DDX10: variants seen among roughly 807,000 people sequenced by gnomAD.
DDX10 encodes the protein probable ATP-dependent RNA helicase DDX10.
In DDX10, 74 loss-of-function variants were observed where a neutral mutation model predicts 104.3. That is an observed-to-expected ratio of 0.71 (90% CI 0.59 to 0.86). The LOEUF (loss-of-function observed/expected upper bound fraction) is 0.86. Ranked by LOEUF, DDX10 falls within the 40% of genes least tolerant of loss-of-function variation. DDX10 has a pLI of 0.00. For synonymous variants in DDX10, 351 were observed against 353.4 expected, an observed-to-expected ratio of 0.99 and a Z score of 0.08; for missense variants, 952 against 1,040.0, an observed-to-expected ratio of 0.92 and a Z score of 1.16.
At chr11:108,776,201 A>G (rs748822588) in intron 13 of DDX10, among the ~76,000 whole-genome samples, 3 of 152,156 alleles carry the variant, frequency 2.0e-5, no homozygotes, top group Admixed American at 6.5e-5. Flanking sequence ...TCAGACTCCA[A>G]ACTTTGTCTT....
chr11:108,725,318 A>G (rs1211676228), intron 13 of DDX10, among the ~76,000 whole-genome samples: 1 of 152,064 alleles, frequency 6.6e-6, no homozygotes, highest in African/African-American at 2.4e-5. Context: ...TGGGGAAACG[A>G]GTGGGGTTAT....
chr11:108,677,352 C>A, intron 4 of DDX10, 109 bp downstream of exon 4: 1 of 989,146 alleles, frequency 1.0e-6, no homozygotes, highest in Non-Finnish European at 1.5e-6. Context: ...CTGACCTAGA[C>A]CAGGGCCTCA....
intron 13 of DDX10, among the ~76,000 whole-genome samples, chr11:108,780,714 G>A (rs1164598201): frequency 2.6e-5 from 4 of 152,068 alleles, no homozygotes; most frequent in Admixed American, 6.6e-5. Flanking sequence ...AGATGCTTAG[G>A]TTATATTGTT....
intron 13 of DDX10, among the ~76,000 whole-genome samples, chr11:108,785,401 T>TATTGTTGTTGTTGTTGTA: frequency 6.9e-6 from 1 of 145,406 alleles, no homozygotes; most frequent in East Asian, 1.9e-4. Flanking sequence ...TTGTTGTTGT[T>TATTGTTGTTGTTGTTGTA]ATTGTTGTTG....
At chr11:108,732,799 C>G in intron 13 of DDX10, among the ~76,000 whole-genome samples, 1 of 152,212 alleles carries the variant, frequency 6.6e-6, no homozygotes, top group East Asian at 1.9e-4. Context: ...AAGTTGACCT[C>G]CAGGGAGACA....
In DDX10 at chr11:108,774,719, T is replaced by C. The variant is rs79367726; in HGVS notation, c.1965+51257T>C. Among the ~76,000 whole-genome samples, 1,066 of 152,314 alleles carry C rather than the reference T, an allele frequency of 7.0e-3. 4 individuals carry two copies. The highest frequency in any genetic ancestry group is 0.012 in the Non-Finnish European group (786 of 68,022). On this transcript the variant is annotated intron_variant, in intron 13 of 17. Transcript: ENST00000322536. ...TGTGTTTTCTCCAGCCAAGAAGACT[T>C]TTCAGCTGTATTTTTTATAGTTTGT...
At chr11:108,805,867 T>G (rs1862090935) in intron 13 of DDX10, among the ~76,000 whole-genome samples, 1 of 152,202 alleles carries the variant, frequency 6.6e-6, no homozygotes. Context: ...AGAAAAACTT[T>G]GATACTCAGA....
chr11:108,754,865 A>G (rs2094342689), intron 13 of DDX10, among the ~76,000 whole-genome samples: 1 of 152,096 alleles, frequency 6.6e-6, no homozygotes. Flanking sequence ...CCAGAAAGTC[A>G]GAACATCAGA....
At chr11:108,715,802 T>A in intron 10 of DDX10, 77 bp from the exon 11 acceptor site, 2 of 727,614 alleles carry the variant, frequency 2.7e-6, no homozygotes, top group South Asian at 3.3e-5. Flanking sequence ...CTGAGGAAAA[T>A]AGGAAAATGC....
intron 6 of DDX10, among the ~76,000 whole-genome samples, chr11:108,681,446 CAT>C (rs1243391839): frequency 2.6e-5 from 4 of 152,154 alleles, no homozygotes; most frequent in South Asian, 2.1e-4. Context: ...TTATAGGAAA[CAT>C]AAAAAAGCAG....
chr11:108,737,802 T>G (rs2094320204), intron 13 of DDX10, among the ~76,000 whole-genome samples: 1 of 152,072 alleles, frequency 6.6e-6, no homozygotes, highest in Non-Finnish European at 1.5e-5. Flanking sequence ...TGATAAGGCA[T>G]GCCTACACCT....
At chr11:108,681,365 G>A (rs549959195) in intron 6 of DDX10, among the ~76,000 whole-genome samples, 1 of 152,152 alleles carries the variant, frequency 6.6e-6, no homozygotes, top group African/African-American at 2.4e-5. Context: ...TTGGAAGGTA[G>A]ACATGTATTG....
chr11:108,719,802 C>T lies in DDX10; in HGVS notation c.1416C>T (p.Phe472=), dbSNP rs368498022. Residue 472 remains phenylalanine (F), a synonymous_variant, in exon 12 of 18, where the codon TTC becomes TTT. Transcript: ENST00000322536. The part of the protein sequence containing the change: ...QDLKERAQRC[F]VSYVRSVYLM... ...TTCAACCTCTTAATTTACAGTGTTT[C>T]GTCTCCTATGTACGATCTGTATATC... 29 of 1,591,440 alleles carry T rather than the reference C, an allele frequency of 1.8e-5. No homozygotes were observed. Among genetic ancestry groups the T allele is most frequent in the South Asian group, 1.1e-4 (10 of 90,064 alleles).
intron 15 of DDX10, among the ~76,000 whole-genome samples, chr11:108,849,345 A>G (rs747875448): frequency 1.3e-5 from 2 of 152,100 alleles, no homozygotes; most frequent in Non-Finnish European, 2.9e-5. Flanking sequence ...TTGCCTGAGA[A>G]TCACGCAAAG....
Position 108,850,144 on chromosome 11 carries a change from A to C in DDX10, c.2248-2009A>C, listed in dbSNP as rs1234157142. Among the ~76,000 whole-genome samples the C allele has an allele frequency of 3.9e-5, 6 of 152,134 alleles. No homozygotes were observed. The East Asian group carries it at 1.2e-3, about 29-fold the overall frequency. ...TAGTGCATTTGTTTCATGTCTTGGT[A>C]ACATTCACTTCATGTTGTAAAAGTC... On this transcript the variant is annotated intron_variant, in intron 15 of 17. Coordinates refer to ENST00000322536, the MANE Select transcript of DDX10 (RefSeq NM_004398.4).
intron 16 of DDX10, among the ~76,000 whole-genome samples, chr11:108,868,573 G>A (rs771429724): frequency 1.3e-5 from 2 of 151,990 alleles, no homozygotes; most frequent in Non-Finnish European, 2.9e-5. Flanking sequence ...ATGGCTTCAT[G>A]ATACACTGAG....
In DDX10 at chr11:108,805,173, G is replaced by C. The variant is rs146030523; in HGVS notation, c.1966-33273G>C. On this transcript the variant is annotated intron_variant, in intron 13 of 17. Coordinates refer to ENST00000322536, the MANE Select transcript of DDX10 (RefSeq NM_004398.4). ...TGCTTATATATTGTGTTCATGCCAG[G>C]ACTAGATTAAACAGTATGTTGCAGC... Among the ~76,000 whole-genome samples, 239 of 152,342 alleles carry C rather than the reference G, an allele frequency of 1.6e-3. 1 individual carries two copies. The highest frequency in any genetic ancestry group is 2.7e-3 in the Non-Finnish European group (187 of 68,024).
chr11:108,856,358 G>C (rs1242263477), intron 16 of DDX10, among the ~76,000 whole-genome samples: 1 of 152,042 alleles, frequency 6.6e-6, no homozygotes, highest in Non-Finnish European at 1.5e-5. Flanking sequence ...TTTAACCTGG[G>C]AGGTGGAGGC....
intron 13 of DDX10, among the ~76,000 whole-genome samples, chr11:108,762,723 T>C (rs1458990268): frequency 6.6e-6 from 1 of 152,180 alleles, no homozygotes; most frequent in African/African-American, 2.4e-5. Flanking sequence ...GATCATGGTC[T>C]CAAAGTTTTT....
Sources: allele counts gnomAD v4.1 joint callset (sites outside exome capture counted in the v4.1 genomes callset), GRCh38; gene constraint gnomAD v4.1.1; transcripts MANE v1.5; gene names NCBI Gene and HGNC (gene_info 2026-07-23, HGNC 2026-07-21).